The following PABPC4 variants were observed in gnomAD, a reference collection of about 807,000 sequenced individuals.
PABPC4 encodes the protein poly(A) binding protein cytoplasmic 4, also known as polyadenylate-binding protein 4.
A neutral mutation model predicts 74.5 loss-of-function variants in PABPC4; 15 were observed. The observed-to-expected ratio is 0.20, with a 90% CI of 0.13 to 0.31. The LOEUF (loss-of-function observed/expected upper bound fraction) is 0.31, where lower values mean the gene tolerates loss of function less well. Among genes scored for constraint, PABPC4 ranks in the 10% least tolerant of loss-of-function variants. PABPC4 has a pLI of 1.00. For missense variants in PABPC4, 610 were observed against 853.5 expected (o/e 0.71, Z 3.55); for synonymous variants, 345 against 303.0 (o/e 1.14, Z -1.44).
intron 5 of PABPC4, among the ~76,000 whole-genome samples, chr1:39,569,235 G>A (rs1293112178): frequency 6.6e-6 from 1 of 152,182 alleles, no homozygotes; most frequent in African/African-American, 2.4e-5. Flanking sequence ...GTGCTTTTGT[G>A]GGTATTTAAG....
chr1:39,568,259 A>T (rs994678883), intron 6 of PABPC4: 1 of 104,538 alleles, frequency 9.6e-6, no homozygotes, highest in Admixed American at 9.9e-5. Flanking sequence ...TGTCTCAAGA[A>T]AAAAAAAAAA....
At chr1:39,566,435 A>G (rs1645844291) in intron 7 of PABPC4, among the ~76,000 whole-genome samples, 2 of 152,212 alleles carry the variant, frequency 1.3e-5, no homozygotes, top group Non-Finnish European at 2.9e-5. Flanking sequence ...TTTCCAAGAA[A>G]TACTCCAAAC....
chr1:39,575,517 A>G (rs895237071), intron 1 of PABPC4, among the ~76,000 whole-genome samples: 1 of 152,112 alleles, frequency 6.6e-6, no homozygotes, highest in Non-Finnish European at 1.5e-5. Flanking sequence ...TTGGTTTCCA[A>G]CCCCACTACC....
chr1:39,574,817 C>G (rs1645993202), intron 1 of PABPC4, among the ~76,000 whole-genome samples: 1 of 152,204 alleles, frequency 6.6e-6, no homozygotes, highest in South Asian at 2.1e-4. Flanking sequence ...TCTGGAGTCA[C>G]GTGCAGCCTC....
chr1:39,571,473 A>G, intron 2 of PABPC4, 124 bp from the exon 3 acceptor site: 1 of 1,119,772 alleles, frequency 8.9e-7, no homozygotes, highest in Non-Finnish European at 1.3e-6. Context: ...CAAGTACACC[A>G]GTATAATTTT....
intron 15 of PABPC4, chr1:39,561,446 C>A (rs773347790): frequency 1.2e-5 from 6 of 495,614 alleles, no homozygotes; most frequent in Non-Finnish European, 2.2e-5. Flanking sequence ...CTTTCCCTAT[C>A]TGGAGACACC....
intron 3 of PABPC4, 25 bp from the exon 4 acceptor site, chr1:39,570,027 T>G (rs966781505): frequency 1.2e-6 from 2 of 1,609,568 alleles, no homozygotes; most frequent in Non-Finnish European, 1.7e-6. Context: ...TGAAGAACAG[T>G]AATTACCCAG....
rs1013103533 is a variant in PABPC4, at chr1:39,576,655, G to A, written c.-704C>T. ...GTGACTTCCCCGCGGGTTCTCCGAG[G>A]ATTCGTTTTTTCTTTTCCTTTTTTT... On this transcript the variant is annotated 5_prime_UTR_variant, in exon 1 of 16. Coordinates refer to ENST00000372858, the MANE Select transcript of PABPC4 (RefSeq NM_001135653.2). 5 of 149,370 alleles carry A rather than the reference G, an allele frequency of 3.3e-5. No homozygotes were observed. Among genetic ancestry groups the A allele is most frequent in the Admixed American group, 3.3e-4 (5 of 15,012 alleles). 9.3% of individuals were successfully genotyped at this position (149,370 alleles called of 1,614,324 possible). A position where few individuals can be genotyped will look rare whatever the true frequency, so the allele number is the denominator to read the frequency against.
intron 7 of PABPC4, among the ~76,000 whole-genome samples, chr1:39,566,957 G>A (rs550520242): frequency 7.6e-4 from 116 of 152,294 alleles, no homozygotes; most frequent in Non-Finnish European, 1.3e-3. Context: ...CTAAGAGCCA[G>A]GGCAGGGCCA....
rs1646029511 is a variant in PABPC4 at position 39,576,552 on chromosome 1, C to T, written c.-601G>A. ...ACGGCGGGCCGGGCGGGCGGCTCACCCCCGGACCGACGGACGGAGACCGAC... is the reference window on the plus strand; with the variant it reads ...ACGGCGGGCCGGGCGGGCGGCTCACTCCCGGACCGACGGACGGAGACCGAC... On this transcript the variant is annotated 5_prime_UTR_variant, in exon 1 of 16. Transcript: ENST00000372858. 6.7e-6 allele frequency: 1 copy of T among 149,992 alleles called. No homozygotes were observed. Among genetic ancestry groups the T allele is most frequent in the African/African-American group, 2.4e-5 (1 of 41,096 alleles). The allele number at this position is 149,992 out of a possible 1,614,324, so 9.3% of individuals were successfully genotyped here.
At position 39,565,494 on chromosome 1, in the gene PABPC4, G is replaced by A. The variant is rs983998376; in HGVS notation, c.973-116C>T. The stretch of plus-strand genomic sequence containing the variant: ...AGGTGGGAGGGCTGCTTGAGCTCAG[G>A]AGGTTGAGACCAGCTTGAGCAATGT... On this transcript the variant is annotated intron_variant, in intron 7 of 15. Coordinates refer to ENST00000372858, the MANE Select transcript of PABPC4 (RefSeq NM_001135653.2). The A allele has an allele frequency of 4.7e-6, 5 of 1,061,762 alleles. No individual in the cohort carries two copies. In the East Asian group the frequency reaches 7.1e-5, roughly 15 times the overall value. 65.8% of individuals were successfully genotyped at this position (1,061,762 alleles called of 1,614,324 possible).
chr1:39,575,743 C>G lies in PABPC4; in HGVS notation c.193+16G>C. 6.4e-7 allele frequency: 1 copy of G among 1,562,210 alleles called. No individual in the cohort carries two copies. Among genetic ancestry groups the G allele is most frequent in the Non-Finnish European group, 8.7e-7 (1 of 1,149,332 alleles). On this transcript the variant is annotated intron_variant, in intron 1 of 15. Coordinates refer to ENST00000372858, the MANE Select transcript of PABPC4 (RefSeq NM_001135653.2). ...CTCCGGGCTCCCACGCACGTGTGGG[C>G]ACAGCTTCTACTCACCGTCGGCCGG...
At chr1:39,562,596 G>A in intron 12 of PABPC4, 180 bp from the exon 13 acceptor site, 4 of 561,330 alleles carry the variant, frequency 7.1e-6, no homozygotes, top group South Asian at 5.2e-5. Context: ...GAGGAACAGA[G>A]TGGTATGGAC....
At position 39,563,856 on chromosome 1, in the gene PABPC4, G is replaced by A; in HGVS notation, c.1520C>T (p.Thr507Ile). The change falls in exon 11 of 16, where the codon ACT becomes ATT. Residue 507 changes from threonine (T) to isoleucine (I), a missense_variant. Coordinates refer to ENST00000372858, the MANE Select transcript of PABPC4 (RefSeq NM_001135653.2). Reference protein sequence around the residue: ...GGAGAAQQGLTDSCQSGGVPT... With the variant: ...GGAGAAQQGLIDSCQSGGVPT... ...ACCACCTCCAGACTGGCAGCTGTCAGTCAGCCCTTGCTGGGCGGCACCAGC... is the reference window on the plus strand; with the variant it reads ...ACCACCTCCAGACTGGCAGCTGTCAATCAGCCCTTGCTGGGCGGCACCAGC... The A allele has an allele frequency of 6.2e-7, 1 of 1,614,244 alleles. No homozygotes were observed.
At chr1:39,573,925 C>T (rs767790369) in intron 1 of PABPC4, among the ~76,000 whole-genome samples, 10 of 152,150 alleles carry the variant, frequency 6.6e-5, no homozygotes, top group Non-Finnish European at 1.3e-4. Context: ...ATCTGGTGGC[C>T]ACTTTTCCTT....
In PABPC4 at chr1:39,576,007, C is replaced by T. The variant is rs1167405312; in HGVS notation, c.-56G>A. ...CAGGAGGACTTCTTATCGGGCCCGC[C>T]GCAGGACAAAGGGGCGCCTTCGGAG... On this transcript the variant is annotated 5_prime_UTR_variant, in exon 1 of 16. Transcript: ENST00000372858. 3.1e-6 allele frequency: 4 copies of T among 1,288,274 alleles called. No individual in the cohort carries two copies. In the African/African-American group the frequency reaches 6.1e-5, roughly 20 times the overall value. 79.8% of individuals were successfully genotyped at this position (1,288,274 alleles called of 1,614,324 possible). A position where few individuals can be genotyped will look rare whatever the true frequency, so the allele number is the denominator to read the frequency against.
chr1:39,564,479 G>A lies in PABPC4; in HGVS notation c.1397C>T (p.Ala466Val). The change falls in exon 10 of 16, where the codon GCT (alanine) becomes GTT (valine). Residue 466 changes from alanine (A) to valine (V), a missense_variant. Ala to Val is a moderately conservative substitution (Grantham distance 64, BLOSUM62 0). Around this residue, in one of 4 missense-constraint regions of PABPC4, gnomAD observed 277 missense variants for 301.8 expected, o/e 0.92. Coordinates refer to ENST00000372858, the MANE Select transcript of PABPC4 (RefSeq NM_001135653.2). ...SGPRPTLRHL[A>V]PTGNAPASRG... is the part of the protein sequence containing the mutation. ...AGAGGCCGGAGCATTACCAGTTGGA[G>A]CCAGATGGCGAAGAGTTGGACGAGG... 6.2e-7 allele frequency: 1 copy of A among 1,614,216 alleles called. No individual in the cohort carries two copies. Among genetic ancestry groups the A allele is most frequent in the Non-Finnish European group, 8.5e-7 (1 of 1,180,032 alleles).
chr1:39,565,043 A>T, intron 8 of PABPC4, 63 bp downstream of exon 8: 2 of 1,560,114 alleles, frequency 1.3e-6, no homozygotes, highest in Non-Finnish European at 8.8e-7. Context: ...CCCTCTCCCC[A>T]ACCACTGCAG....
In PABPC4 at chr1:39,571,236, T is replaced by C. The variant is rs1645935435; in HGVS notation, c.501A>G (p.Lys167=). 1.2e-6 allele frequency: 2 copies of C among 1,613,962 alleles called. No homozygotes were observed. Among genetic ancestry groups the C allele is most frequent in the African/African-American group, 1.3e-5 (1 of 74,918 alleles). ...KMNGMLLNDR[K]VFVGRFKSRK... ...TTGCTCCGGACTGGGACACTCACAC[T>C]TTGCGGTCATTGAGGAGCATGCCAT... Residue 167 remains lysine (K), a splice_region_variant and synonymous_variant, in exon 3 of 16, where the codon AAA becomes AAG. Transcript: ENST00000372858.
Sources: gnomAD v4.1 joint callset for allele counts (sites outside exome capture counted in the v4.1 genomes callset) on GRCh38, gnomAD v4.1.1 for gene constraint, gnomAD v4.1.1 regional missense constraint, MANE v1.5 for transcripts, NCBI Gene and HGNC (gene_info 2026-07-23, HGNC 2026-07-21) for gene names.